Variants in CCAR1 observed in about 807,000 individuals in gnomAD.
CCAR1 encodes cell division cycle and apoptosis regulator 1.
Under a neutral mutation model 163.8 loss-of-function variants are expected in CCAR1, and 78 were observed. The observed-to-expected ratio is 0.48, with a 90% confidence interval of 0.40 to 0.57. The LOEUF (loss-of-function observed/expected upper bound fraction) is 0.57. Among genes scored for constraint, CCAR1 ranks in the 20% least tolerant of loss-of-function variants. The pLI is 0.00. For synonymous variants in CCAR1, 443 were observed against 460.7 expected (o/e 0.96, Z 0.49); for missense variants, 1,019 against 1,365.2 (o/e 0.75, Z 4.00).
intron 18 of CCAR1, among the ~76,000 whole-genome samples, chr10:68,772,067 T>C (rs1450091046): frequency 6.6e-6 from 1 of 152,004 alleles, no homozygotes; most frequent in Admixed American, 6.6e-5. Flanking sequence ...TTTGTTTTTT[T>C]GAGGCAGGTT....
At chr10:68,751,875 CTAA>C (rs2056336004) in intron 10 of CCAR1, among the ~76,000 whole-genome samples, 1 of 149,650 alleles carries the variant, frequency 6.7e-6, no homozygotes, top group South Asian at 2.2e-4. Context: ...AAATAAAAAA[CTAA>C]TAATAATAAA....
rs1304343720 is a variant in CCAR1, at chr10:68,736,948, C to G, written c.146C>G (p.Ala49Gly). The G allele has an allele frequency of 6.2e-6, 10 of 1,613,922 alleles. No homozygotes were observed. The highest frequency in any genetic ancestry group is 1.3e-5 in the African/African-American group (1 of 74,940). Residue 49 changes from alanine (A) to glycine (G), a missense_variant, in exon 3 of 25, where the codon GCA becomes GGA. By Grantham distance (60) the Ala-to-Gly change is moderately conservative (BLOSUM62 0). This residue lies in a region of CCAR1 where 644 missense variants were observed against 904.4 expected (regional missense o/e 0.71). Transcript: ENST00000265872. ...ATTTATACACAGCAAACTGCATTGG[C>G]AGCAGCAGGCCTTACCACACAAACT... Reference protein sequence around the residue: ...PTIYTQQTALAAAGLTTQTPA... With the variant: ...PTIYTQQTALGAAGLTTQTPA...
At chr10:68,740,883 TTTTA>T (rs754473259) in intron 5 of CCAR1, among the ~76,000 whole-genome samples, 7,974 of 144,844 alleles carry the variant, frequency 0.055, 269 homozygotes, top group East Asian at 0.15. Context: ...TGAGGTTTTA[TTTTA>T]TTTATTTATT....
intron 23 of CCAR1, 134 bp from the exon 24 acceptor site, chr10:68,789,576 A>G (rs2056831456): frequency 3.3e-6 from 2 of 609,342 alleles, no homozygotes; most frequent in Non-Finnish European, 5.8e-6. Context: ...CTTTATGACT[A>G]ATGAAATTGA....
At chr10:68,759,990 A>G (rs2173370) in intron 15 of CCAR1, among the ~76,000 whole-genome samples, 15,082 of 151,954 alleles carry the variant, frequency 0.099, 932 homozygotes, top group South Asian at 0.16. Flanking sequence ...ATGTTCCACC[A>G]TGCCTGGCTA....
rs765558321 is a variant in CCAR1, at chr10:68,756,277, C to T, written c.1630C>T (p.Arg544Cys). 3.7e-6 allele frequency: 6 copies of T among 1,611,928 alleles called. No individual in the cohort carries two copies. The highest frequency in any genetic ancestry group is 2.2e-5 in the South Asian group (2 of 90,818). Residue 544 changes from arginine (R) to cysteine (C), a missense_variant, in exon 14 of 25, where the codon CGT (arginine) becomes TGT (cysteine). This residue lies in a region of CCAR1 where 644 missense variants were observed against 904.4 expected (regional missense o/e 0.71). Coordinates refer to ENST00000265872, the MANE Select transcript of CCAR1 (RefSeq NM_018237.4). This position sits in a 1 kb window ranked among gnomAD's most constrained non-coding sequence, Gnocchi z 5.1. ...IDLSVCTQWY[R>C]FAEIRYHRPE... ...ATGCTTCTTCCCTTGCAACAGGTACCGTTTTGCAGAGATTCGCTACCATCG... is the reference window on the plus strand; with the variant it reads ...ATGCTTCTTCCCTTGCAACAGGTACTGTTTTGCAGAGATTCGCTACCATCG...
At chr10:68,788,918 T>A (rs2056824064) in intron 23 of CCAR1, among the ~76,000 whole-genome samples, 1 of 151,924 alleles carries the variant, frequency 6.6e-6, no homozygotes, top group Non-Finnish European at 1.5e-5. Flanking sequence ...GGTTCCACTT[T>A]TTTTTTTTTG....
chr10:68,786,354 G>T, intron 20 of CCAR1, 136 bp downstream of exon 20: 1 of 761,858 alleles, frequency 1.3e-6, no homozygotes, highest in Non-Finnish European at 2.1e-6. Flanking sequence ...TTTTTTTGTG[G>T]CTATGTCAGA....
intron 21 of CCAR1, among the ~76,000 whole-genome samples, chr10:68,787,432 A>G (rs138149388): frequency 6.8e-4 from 103 of 152,332 alleles, no homozygotes; most frequent in Non-Finnish European, 1.0e-3. Flanking sequence ...CTATGCTGTA[A>G]TAAATCATCC....
chr10:68,773,216 A>G, intron 19 of CCAR1, 117 bp downstream of exon 19: 1 of 553,956 alleles, frequency 1.8e-6, no homozygotes, highest in South Asian at 2.3e-5. Flanking sequence ...TAGAAAGAGT[A>G]ATATACTCTT....
chr10:68,784,944 G>A (rs892185134), intron 19 of CCAR1, among the ~76,000 whole-genome samples: 12 of 136,944 alleles, frequency 8.8e-5, no homozygotes, highest in African/African-American at 2.8e-4. Flanking sequence ...TTGAGATGGA[G>A]TCTCGCTCTG....
intron 10 of CCAR1, 67 bp downstream of exon 10, chr10:68,749,752 C>A: frequency 7.4e-7 from 1 of 1,356,754 alleles, no homozygotes; most frequent in Non-Finnish European, 1.0e-6. Flanking sequence ...GAATATGTCA[C>A]AGAGGTATTT....
At chr10:68,726,299 G>C (rs2055945541) in intron 2 of CCAR1, among the ~76,000 whole-genome samples, 1 of 151,988 alleles carries the variant, frequency 6.6e-6, no homozygotes, top group Non-Finnish European at 1.5e-5. Flanking sequence ...CTATAGGCGT[G>C]TGGCAGCAAG....
chr10:68,771,497 A>G (rs2056602048), intron 18 of CCAR1, 52 bp downstream of exon 18: 2 of 1,450,380 alleles, frequency 1.4e-6, no homozygotes, highest in Middle Eastern at 1.8e-4. Flanking sequence ...TCTAGGTTAT[A>G]AAGGTTGATG....
chr10:68,759,516 C>G (rs2133373648), intron 15 of CCAR1: 1 of 152,632 alleles, frequency 6.6e-6, no homozygotes. Context: ...TTGCTATAGC[C>G]CAGTAGTTCA....
rs570029457 is a variant in CCAR1, at chr10:68,755,713, A to G, written c.1625+177A>G. 1.4e-3 allele frequency among the ~76,000 whole-genome samples: 212 copies of G among 152,286 alleles called. 1 individual carries two copies. The highest frequency in any genetic ancestry group is 4.9e-3 in the African/African-American group (205 of 41,572). ...ATTTGGTGCCAAAATGTTTTGGGGG[A>G]AAAGGGATTAAGAACTAATCAAAAT... On this transcript the variant is annotated intron_variant, in intron 13 of 24. Coordinates refer to ENST00000265872, the MANE Select transcript of CCAR1 (RefSeq NM_018237.4).
chr10:68,778,242 G>A (rs2056692228), intron 19 of CCAR1, among the ~76,000 whole-genome samples: 1 of 152,006 alleles, frequency 6.6e-6, no homozygotes, highest in Admixed American at 6.6e-5. Context: ...AAAAGCTAGT[G>A]CTCACAATGA....
chr10:68,756,860 C>G lies in CCAR1; in HGVS notation c.1836+377C>G, dbSNP rs1742126524. Among the ~76,000 whole-genome samples, 2 of 152,158 alleles carry G rather than the reference C, an allele frequency of 1.3e-5. No homozygotes were observed. Among genetic ancestry groups the G allele is most frequent in the Non-Finnish European group, 2.9e-5 (2 of 68,032 alleles). ...ATTTTCTTTTTCATGGTCATCAGTT[C>G]TAGTCATGGATATTTGAAATTGGAC... On this transcript the variant is annotated intron_variant, in intron 14 of 24. Coordinates refer to ENST00000265872, the MANE Select transcript of CCAR1 (RefSeq NM_018237.4). The surrounding 1 kb of genome is among the most constrained non-coding windows in gnomAD (Gnocchi z 5.1).
chr10:68,786,753 A>G, intron 21 of CCAR1, 61 bp downstream of exon 21: 1 of 1,409,212 alleles, frequency 7.1e-7, no homozygotes, highest in Non-Finnish European at 9.7e-7. Flanking sequence ...TTTCCAGTGA[A>G]AAGTTAATAG....
Sources: allele counts gnomAD v4.1 joint callset (sites outside exome capture counted in the v4.1 genomes callset), GRCh38; gene constraint gnomAD v4.1.1; regional missense constraint gnomAD v4.1.1; non-coding constraint Gnocchi (gnomAD v3.1); transcripts MANE v1.5; gene names NCBI Gene and HGNC (gene_info 2026-07-23, HGNC 2026-07-21).